PPP2R2A: variants seen among roughly 807,000 people sequenced by gnomAD.
The protein encoded by PPP2R2A is serine/threonine-protein phosphatase 2A 55 kDa regulatory subunit B alpha isoform.
PPP2R2A carries 9 observed loss-of-function variants against 53.2 expected under a neutral mutation model. The observed-to-expected ratio is 0.17, with a 90% CI of 0.10 to 0.30. PPP2R2A has a LOEUF of 0.30. Among genes scored for constraint, PPP2R2A ranks in the 10% least tolerant of loss-of-function variants. PPP2R2A has a pLI of 1.00. For missense variants in PPP2R2A, 235 were observed against 534.6 expected (o/e 0.44, Z 5.53); for synonymous variants, 169 against 174.2 (o/e 0.97, Z 0.23).
chr8:26,345,407 A>G (rs1304845825), intron 3 of PPP2R2A, among the ~76,000 whole-genome samples: 2 of 152,186 alleles, frequency 1.3e-5, no homozygotes, highest in Non-Finnish European at 2.9e-5. Context: ...GTAAATATGG[A>G]TAAGTGGCAA....
intron 2 of PPP2R2A, among the ~76,000 whole-genome samples, chr8:26,303,500 G>A (rs537645062): frequency 6.6e-6 from 1 of 152,274 alleles, no homozygotes; most frequent in South Asian, 2.1e-4. Context: ...AGGAAAGAAG[G>A]CATAAAATTG....
rs78399389 is a variant in PPP2R2A at position 26,315,286 on chromosome 8, G to A, written c.82+21546G>A. ...ATTCGGCTGGTGGGCTTCACTGTAG[G>A]GTGATGAGCCAGGGACCCGCAGTCA... is the stretch of plus-strand genomic sequence containing the variant. On this transcript the variant is annotated intron_variant, in intron 2 of 9. Coordinates refer to ENST00000380737, the MANE Select transcript of PPP2R2A (RefSeq NM_002717.4). Among the ~76,000 whole-genome samples, 566 of 152,132 alleles carry A rather than the reference G, an allele frequency of 3.7e-3. 7 individuals are homozygous for A. The highest frequency in any genetic ancestry group is 3.4e-3 in the Non-Finnish European group (229 of 67,988).
chr8:26,363,058 A>G (rs1805192333), intron 7 of PPP2R2A: 5 of 515,700 alleles, frequency 9.7e-6, no homozygotes, highest in Admixed American at 6.8e-5. Context: ...TTGATTGCCA[A>G]GGAATATATC....
chr8:26,293,613 G>T (rs572866422), intron 1 of PPP2R2A, 53 bp from the exon 2 acceptor site: 3 of 1,524,144 alleles, frequency 2.0e-6, no homozygotes, highest in Admixed American at 1.8e-5. Flanking sequence ...TTGTGTTTAC[G>T]AGAGTCAACA....
intron 3 of PPP2R2A, among the ~76,000 whole-genome samples, chr8:26,342,160 G>C (rs1262016595): frequency 1.3e-5 from 2 of 152,022 alleles, no homozygotes; most frequent in African/African-American, 2.4e-5. Flanking sequence ...GTAGAATCAG[G>C]GCACCTAAAG....
At chr8:26,339,010 C>G (rs1287211952) in intron 3 of PPP2R2A, 23 bp downstream of exon 3, 15 of 1,537,554 alleles carry the variant, frequency 9.8e-6, no homozygotes, top group Non-Finnish European at 1.3e-5. Context: ...AGTTTATTGT[C>G]TAAATTTCAG....
chr8:26,338,794 AG>A lies in PPP2R2A; in HGVS notation c.83-95del. 1 of 735,110 alleles carries A rather than the reference AG, an allele frequency of 1.4e-6. No homozygotes were observed. Among genetic ancestry groups the A allele is most frequent in the Admixed American group, 2.7e-5 (1 of 36,592 alleles). 45.5% of individuals were successfully genotyped at this position (735,110 alleles called of 1,614,324 possible). On this transcript the variant is annotated intron_variant, in intron 2 of 9. Transcript: ENST00000380737. This position sits in a 1 kb window ranked among gnomAD's most constrained non-coding sequence, Gnocchi z 4.5. ...GATGTACTTCAAAGATATACTTCAT[AG>A]ACTTGGAATGTTTGGGAAAACACGC...
intron 3 of PPP2R2A, 134 bp downstream of exon 3, chr8:26,339,121 T>C (rs1261650347): frequency 6.4e-6 from 4 of 624,794 alleles, no homozygotes; most frequent in Non-Finnish European, 1.1e-5. Flanking sequence ...ATGTCCAATA[T>C]ATAGACAGCT....
chr8:26,355,716 T>C (rs1804743567), intron 4 of PPP2R2A, among the ~76,000 whole-genome samples: 2 of 151,776 alleles, frequency 1.3e-5, no homozygotes, highest in African/African-American at 4.8e-5. Context: ...TACAAAAAAA[T>C]TATCCGGGTG....
intron 2 of PPP2R2A, among the ~76,000 whole-genome samples, chr8:26,329,617 G>A (rs1457251880): frequency 6.6e-6 from 1 of 152,164 alleles, no homozygotes; most frequent in African/African-American, 2.4e-5. Flanking sequence ...TTGGCAGTTA[G>A]CAGGACAGTT....
chr8:26,321,001 A>G lies in PPP2R2A; in HGVS notation c.83-17889A>G, dbSNP rs1802813004. Among the ~76,000 whole-genome samples, 1 of 152,240 alleles carries G rather than the reference A, an allele frequency of 6.6e-6. No individual in the cohort carries two copies. The highest frequency in any genetic ancestry group is 1.5e-5 in the Non-Finnish European group (1 of 68,048). ...CCTAAGCCCATGTGTTAAAACAGAC[A>G]GATGACACACTGAAATGACCAACGA... On this transcript the variant is annotated intron_variant, in intron 2 of 9. Transcript: ENST00000380737. This position sits in a 1 kb window ranked among gnomAD's most constrained non-coding sequence, Gnocchi z 4.1.
At chr8:26,318,377 AT>A (rs1802668469) in intron 2 of PPP2R2A, among the ~76,000 whole-genome samples, 1 of 152,188 alleles carries the variant, frequency 6.6e-6, no homozygotes. Flanking sequence ...ATGGTGTTTG[AT>A]TATATTGAAA....
intron 2 of PPP2R2A, among the ~76,000 whole-genome samples, chr8:26,301,563 G>A (rs1456730642): frequency 6.6e-6 from 1 of 151,984 alleles, no homozygotes; most frequent in Non-Finnish European, 1.5e-5. Flanking sequence ...TCTGCTGATG[G>A]CGTTCGTTAG....
chr8:26,369,033 A>G (rs1020511477), intron 9 of PPP2R2A, among the ~76,000 whole-genome samples: 6 of 150,842 alleles, frequency 4.0e-5, no homozygotes, highest in Non-Finnish European at 5.9e-5. Flanking sequence ...GCATGAACCC[A>G]GGAGGCAGAG....
Position 26,324,477 on chromosome 8 carries a change from G to C in PPP2R2A, c.83-14413G>C, listed in dbSNP as rs1802989606. Among the ~76,000 whole-genome samples the C allele has an allele frequency of 3.9e-5, 6 of 152,222 alleles. No individual in the cohort carries two copies. In the South Asian group the frequency reaches 1.2e-3, roughly 32 times the overall value. ...GGGTGCACAGAAGTCAAGAACTGAG[G>C]TTTGGGAACCTCTGCCTAGTTTTCA... On this transcript the variant is annotated intron_variant, in intron 2 of 9. Coordinates refer to ENST00000380737, the MANE Select transcript of PPP2R2A (RefSeq NM_002717.4).
chr8:26,328,982 G>A (rs986704512), intron 2 of PPP2R2A, among the ~76,000 whole-genome samples: 3 of 152,100 alleles, frequency 2.0e-5, no homozygotes, highest in African/African-American at 7.2e-5. Flanking sequence ...CCAGGGGTGA[G>A]ATTTCAGGGT....
intron 2 of PPP2R2A, among the ~76,000 whole-genome samples, chr8:26,335,351 TTTCTC>T (rs1463573669): frequency 6.6e-6 from 1 of 152,234 alleles, no homozygotes; most frequent in Non-Finnish European, 1.5e-5. Flanking sequence ...GTATATGATC[TTTCTC>T]TTCTCTTTTG....
intron 2 of PPP2R2A, among the ~76,000 whole-genome samples, chr8:26,325,555 A>G (rs1803046536): frequency 6.6e-6 from 1 of 152,212 alleles, no homozygotes; most frequent in Non-Finnish European, 1.5e-5. Context: ...TAAGATAAGT[A>G]TCTGCCTATT....
rs565368247 is a variant in PPP2R2A at position 26,362,998 on chromosome 8, C to T, written c.802+150C>T. Reference sequence around the variant, plus strand: ...ACCCTTGGTAATCTGCCTACCTCCTCATGAGGCATTCCAGGTTATTCCTGG... The same window carrying T: ...ACCCTTGGTAATCTGCCTACCTCCTTATGAGGCATTCCAGGTTATTCCTGG... On this transcript the variant is annotated intron_variant, in intron 7 of 9. Transcript: ENST00000380737. This position sits in a 1 kb window ranked among gnomAD's most constrained non-coding sequence, Gnocchi z 4.4. The T allele has an allele frequency of 2.6e-4, 174 of 657,588 alleles. 1 individual carries two copies. In the South Asian group the frequency reaches 3.4e-3, roughly 13 times the overall value. 40.7% of individuals were successfully genotyped at this position (657,588 alleles called of 1,614,324 possible).
Sources: allele counts gnomAD v4.1 joint callset (sites outside exome capture counted in the v4.1 genomes callset), GRCh38; gene constraint gnomAD v4.1.1; non-coding constraint Gnocchi (gnomAD v3.1); transcripts MANE v1.5; gene names NCBI Gene and HGNC (gene_info 2026-07-23, HGNC 2026-07-21).